PTPRD: variants seen among roughly 807,000 people sequenced by gnomAD.
PTPRD encodes the protein receptor-type tyrosine-protein phosphatase delta.
In PTPRD, 34 loss-of-function variants were observed where a neutral mutation model predicts 214.5. That is an observed-to-expected ratio of 0.16 (90% confidence interval 0.12 to 0.21). The LOEUF (loss-of-function observed/expected upper bound fraction) is 0.21. Among genes scored for constraint, PTPRD ranks in the 10% least tolerant of loss-of-function variants. PTPRD has a pLI of 1.00. For missense variants in PTPRD, 2,545 were observed against 2,398.7 expected (o/e 1.06, Z -1.27); for synonymous variants, 1,128 against 845.7 (o/e 1.33, Z -5.79).
intron 12 of PTPRD, among the ~76,000 whole-genome samples, chr9:8,696,874 A>G (rs930044815): frequency 6.6e-6 from 1 of 152,224 alleles, no homozygotes; most frequent in Non-Finnish European, 1.5e-5. Context: ...TTCCTGCCAG[A>G]ATTGTCGACA....
intron 10 of PTPRD, among the ~76,000 whole-genome samples, chr9:9,161,780 A>C (rs1351986217): frequency 6.6e-6 from 1 of 152,094 alleles, no homozygotes; most frequent in Admixed American, 6.6e-5. Flanking sequence ...GTATCATACT[A>C]TATTTTTATC....
At chr9:9,624,270 GTT>G (rs3049073) in intron 7 of PTPRD, among the ~76,000 whole-genome samples, 49,330 of 149,776 alleles carry the variant, frequency 0.33, 8,376 homozygotes, top group Middle Eastern at 0.41. Context: ...TCAGTAGCTA[GTT>G]TTTTTTTTGT....
At position 10,278,941 on chromosome 9, in the gene PTPRD, A is replaced by AT. The variant is rs527844103; in HGVS notation, c.-545+62021dup. On this transcript the variant is annotated intron_variant, in intron 3 of 45. Coordinates refer to ENST00000381196, the MANE Select transcript of PTPRD (RefSeq NM_002839.4). ...AGGCACACACCACCACGCCAGGCTA[A>AT]TTTTTTGTATTTTTAGTAGAGACGG... Among the ~76,000 whole-genome samples, 537 of 151,840 alleles carry AT rather than the reference A, an allele frequency of 3.5e-3. 4 individuals carry two copies. The highest frequency in any genetic ancestry group is 0.012 in the African/African-American group (496 of 41,410).
chr9:8,934,504 TAAATATATATATATAA>T (rs1567101450), intron 11 of PTPRD, among the ~76,000 whole-genome samples: 2 of 46,880 alleles, frequency 4.3e-5, no homozygotes, highest in African/African-American at 2.2e-4. Context: ...AATATATATA[TAAATATATATATATAA>T]ATATATATAT....
At chr9:8,543,893 G>C (rs975403703) in intron 14 of PTPRD, among the ~76,000 whole-genome samples, 1 of 151,964 alleles carries the variant, frequency 6.6e-6, no homozygotes, top group South Asian at 2.1e-4. Flanking sequence ...TCTATTTTTA[G>C]TAGAGACGGG....
chr9:8,392,204 T>C (rs2089826410), intron 36 of PTPRD, among the ~76,000 whole-genome samples: 1 of 151,988 alleles, frequency 6.6e-6, no homozygotes, highest in South Asian at 2.1e-4. Context: ...AGCAACATGG[T>C]GAGACCCTGT....
At chr9:9,202,070 G>A (rs1413412085) in intron 9 of PTPRD, among the ~76,000 whole-genome samples, 1 of 152,202 alleles carries the variant, frequency 6.6e-6, no homozygotes, top group African/African-American at 2.4e-5. Flanking sequence ...AGCCTTGATG[G>A]AAAAGATGCC....
intron 8 of PTPRD, among the ~76,000 whole-genome samples, chr9:9,533,034 G>A (rs1366128267): frequency 6.6e-6 from 1 of 152,126 alleles, no homozygotes; most frequent in East Asian, 1.9e-4. Context: ...CAACATCCTT[G>A]GCTTTTTTAT....
At chr9:8,559,820 T>C (rs1204999236) in intron 14 of PTPRD, among the ~76,000 whole-genome samples, 1 of 152,216 alleles carries the variant, frequency 6.6e-6, no homozygotes, top group Admixed American at 6.5e-5. Flanking sequence ...AAGAACACCA[T>C]TTCGACTCTC....
chr9:9,457,561 CT>C (rs2145692269), intron 8 of PTPRD, among the ~76,000 whole-genome samples: 1 of 152,068 alleles, frequency 6.6e-6, no homozygotes, highest in South Asian at 2.1e-4. Context: ...ATACTTTATT[CT>C]GGGGAAGATT....
intron 5 of PTPRD, among the ~76,000 whole-genome samples, chr9:9,889,844 G>A (rs1034522957): frequency 9.9e-5 from 15 of 151,646 alleles, no homozygotes; most frequent in South Asian, 2.1e-4. Flanking sequence ...TGTGGTCTCT[G>A]CAGGGGCAGG....
At chr9:10,559,966 G>A (rs1301738960) in intron 2 of PTPRD, among the ~76,000 whole-genome samples, 3 of 152,152 alleles carry the variant, frequency 2.0e-5, no homozygotes, top group African/African-American at 2.4e-5. Flanking sequence ...TGGTGGGACC[G>A]TAAACTAGTT....
intron 11 of PTPRD, among the ~76,000 whole-genome samples, chr9:8,914,071 T>C (rs2098767573): frequency 6.6e-6 from 1 of 152,132 alleles, no homozygotes; most frequent in South Asian, 2.1e-4. Flanking sequence ...CGTACTAAAA[T>C]TGAAAGTCAG....
rs1555546764 is a variant in PTPRD, at chr9:8,934,434, T to TATAA, written c.-104+84262_-104+84263insTTAT. Reference sequence around the variant, plus strand: ...GTGTGTGTGTGTGTATATATATATATAAATATATATATAAATTTATATATA... The same window carrying TATAA: ...GTGTGTGTGTGTGTATATATATATATATAAAAATATATATATAAATTTATATATA... On this transcript the variant is annotated intron_variant, in intron 11 of 45. Transcript: ENST00000381196. Among the ~76,000 whole-genome samples, 29 of 53,988 alleles carry TATAA rather than the reference T, an allele frequency of 5.4e-4. 1 individual carries two copies. The highest frequency in any genetic ancestry group is 7.9e-4 in the Non-Finnish European group (25 of 31,742). 35.4% of individuals were successfully genotyped at this position (53,988 alleles called of 152,430 possible).
intron 10 of PTPRD, among the ~76,000 whole-genome samples, chr9:9,182,226 G>C (rs1450054577): frequency 6.6e-6 from 1 of 151,976 alleles, no homozygotes; most frequent in Non-Finnish European, 1.5e-5. Context: ...GTGGTACTGT[G>C]ATTTCTGAAG....
intron 2 of PTPRD, among the ~76,000 whole-genome samples, chr9:10,455,088 G>C (rs757971348): frequency 1.3e-4 from 19 of 151,516 alleles, no homozygotes; most frequent in Non-Finnish European, 2.5e-4. Context: ...CTTGTTATTG[G>C]TTTTCTGTCT....
intron 3 of PTPRD, among the ~76,000 whole-genome samples, chr9:10,242,257 A>G (rs575008500): frequency 2.6e-4 from 39 of 152,118 alleles, no homozygotes; most frequent in Non-Finnish European, 4.0e-4. Context: ...ACTGTTTGCA[A>G]TAACATAATT....
chr9:8,827,529 C>A (rs567727716), intron 11 of PTPRD, among the ~76,000 whole-genome samples: 1 of 152,108 alleles, frequency 6.6e-6, no homozygotes, highest in Admixed American at 6.5e-5. Context: ...ATCACTTGAA[C>A]CCAGGAGGCA....
chr9:9,191,999 T>A (rs2099935499), intron 9 of PTPRD, among the ~76,000 whole-genome samples: 1 of 152,026 alleles, frequency 6.6e-6, no homozygotes, highest in South Asian at 2.1e-4. Context: ...TCTACTTAAA[T>A]AGCTAACCCA....
Sources: gnomAD v4.1 joint callset for allele counts (sites outside exome capture counted in the v4.1 genomes callset) on GRCh38, gnomAD v4.1.1 for gene constraint, MANE v1.5 for transcripts, NCBI Gene and HGNC (gene_info 2026-07-23, HGNC 2026-07-21) for gene names.